Variants in IQSEC1 observed in about 807,000 individuals in gnomAD.
IQSEC1 encodes the protein IQ motif and Sec7 domain ArfGEF 1, also known as IQ motif and SEC7 domain-containing protein 1.
A neutral mutation model predicts 91.0 loss-of-function variants in IQSEC1; 31 were observed. That is an observed-to-expected ratio of 0.34 (90% CI 0.26 to 0.46). IQSEC1 has a LOEUF of 0.46. Among genes scored for constraint, IQSEC1 ranks in the 20% least tolerant of loss-of-function variants. The probability of loss-of-function intolerance (pLI) is 1.00; values close to 1 mark genes in which losing one functional copy is unlikely to be tolerated. For synonymous variants in IQSEC1, 699 were observed against 662.6 expected (o/e 1.05, Z -0.84); for missense variants, 1,388 against 1,575.6 (o/e 0.88, Z 2.02).
At chr3:13,050,855 A>G (rs1388275625) in intron 1 of IQSEC1, among the ~76,000 whole-genome samples, 1 of 152,274 alleles carries the variant, frequency 6.6e-6, no homozygotes, top group Non-Finnish European at 1.5e-5. Flanking sequence ...TATTACATAT[A>G]TTAATGTGTG....
intron 1 of IQSEC1, among the ~76,000 whole-genome samples, chr3:13,276,363 T>C (rs1049405763): frequency 1.3e-5 from 2 of 152,228 alleles, no homozygotes; most frequent in South Asian, 2.1e-4. Context: ...GCTGGGATTA[T>C]AGGTGTGAGC....
chr3:12,918,195 T>C (rs2596900), intron 6 of IQSEC1, among the ~76,000 whole-genome samples: 124,966 of 152,246 alleles, frequency 0.82, 52,241 homozygotes, highest in African/African-American at 0.96. Context: ...CCCTGAGCTC[T>C]GGGCTGAAAA....
intron 1 of IQSEC1, among the ~76,000 whole-genome samples, chr3:12,947,266 A>T (rs1250258228): frequency 6.6e-6 from 1 of 152,134 alleles, no homozygotes; most frequent in Non-Finnish European, 1.5e-5. Context: ...GCTGCTTAGG[A>T]GGTGGTGAGT....
At chr3:13,191,499 TTTTTTTTTTG>T (rs1393732832) in intron 1 of IQSEC1, among the ~76,000 whole-genome samples, 14 of 144,664 alleles carry the variant, frequency 9.7e-5, no homozygotes, top group African/African-American at 3.6e-4. Flanking sequence ...TTTTTTTTTT[TTTTTTTTTTG>T]TATTTTTAGT....
chr3:13,263,599 C>T (rs528307257), intron 1 of IQSEC1, among the ~76,000 whole-genome samples: 13 of 152,210 alleles, frequency 8.5e-5, no homozygotes, highest in South Asian at 4.1e-4. Flanking sequence ...CGCGCCACCA[C>T]GCCCGACTAA....
intron 1 of IQSEC1, among the ~76,000 whole-genome samples, chr3:12,964,574 G>C (rs1397909677): frequency 1.3e-5 from 2 of 152,184 alleles, no homozygotes; most frequent in African/African-American, 4.8e-5. Context: ...GTGGCCTTCA[G>C]ACATCCACAT....
chr3:12,954,812 G>A (rs906482637), intron 1 of IQSEC1, among the ~76,000 whole-genome samples: 2 of 152,184 alleles, frequency 1.3e-5, no homozygotes, highest in Non-Finnish European at 2.9e-5. Context: ...GCACAACCCT[G>A]GGAGTAGATG....
At chr3:13,106,657 A>G (rs2124847955) in intron 2 of IQSEC1, among the ~76,000 whole-genome samples, 1 of 152,310 alleles carries the variant, frequency 6.6e-6, no homozygotes, top group South Asian at 2.1e-4. Flanking sequence ...CATTGAGTGG[A>G]TGAATAATAA....
At chr3:12,923,271 C>T (rs1055093703) in intron 4 of IQSEC1, among the ~76,000 whole-genome samples, 1 of 152,018 alleles carries the variant, frequency 6.6e-6, no homozygotes, top group African/African-American at 2.4e-5. Flanking sequence ...GGACCAGGGA[C>T]CGGCTTGGAG....
intron 12 of IQSEC1, among the ~76,000 whole-genome samples, chr3:12,906,123 T>C (rs1386570397): frequency 3.9e-5 from 6 of 152,210 alleles, no homozygotes; most frequent in Non-Finnish European, 8.8e-5. Flanking sequence ...CCTGGCTTCA[T>C]GTCTGTGGTA....
intron 1 of IQSEC1, among the ~76,000 whole-genome samples, chr3:12,976,817 T>C (rs895305372): frequency 6.6e-6 from 1 of 152,186 alleles, no homozygotes; most frequent in Non-Finnish European, 1.5e-5. Flanking sequence ...CCAGATTCAC[T>C]CTAGTTCAGG....
chr3:13,115,843 G>A (rs1393332283), intron 2 of IQSEC1, among the ~76,000 whole-genome samples: 1 of 152,092 alleles, frequency 6.6e-6, no homozygotes, highest in Non-Finnish European at 1.5e-5. Flanking sequence ...CTCTCCTTTG[G>A]CCCTGAGCCC....
intron 1 of IQSEC1, among the ~76,000 whole-genome samples, chr3:13,055,352 G>C (rs1704836916): frequency 6.6e-6 from 1 of 152,226 alleles, no homozygotes; most frequent in South Asian, 2.1e-4. Context: ...AGTTGGTCTA[G>C]AGAAGTGGTT....
chr3:12,984,815 ATTTTTT>A lies in IQSEC1; in HGVS notation c.24-42956_24-42951del, dbSNP rs767194681. 7.8e-5 allele frequency among the ~76,000 whole-genome samples: 8 copies of A among 102,230 alleles called. No homozygotes were observed. In the East Asian group the frequency reaches 1.1e-3, roughly 14 times the overall value. 67.1% of individuals were successfully genotyped at this position (102,230 alleles called of 152,430 possible). A position where few individuals can be genotyped will look rare whatever the true frequency, so the allele number is the denominator to read the frequency against. ...CTATTAACACTTTTAAAGCAATTAC[ATTTTTT>A]TTTTTTTTTTTTTTTTTTTTTGAGA... is the stretch of plus-strand genomic sequence containing the variant. On this transcript the variant is annotated intron_variant, in intron 1 of 13. Coordinates refer to ENST00000613206, the MANE Select transcript of IQSEC1 (RefSeq NM_001134382.3).
chr3:13,202,228 T>C (rs1694257494), intron 1 of IQSEC1, among the ~76,000 whole-genome samples: 2 of 152,254 alleles, frequency 1.3e-5, no homozygotes, highest in African/African-American at 2.4e-5. Context: ...GTGCCACTGT[T>C]ATAAAACCAG....
chr3:13,206,298 T>C (rs78088697), intron 1 of IQSEC1, among the ~76,000 whole-genome samples: 26 of 151,988 alleles, frequency 1.7e-4, no homozygotes, highest in African/African-American at 6.3e-4. Flanking sequence ...TTGAAACACA[T>C]CCCCCTTGGA....
chr3:12,986,330 C>A (rs1455238875), intron 1 of IQSEC1, among the ~76,000 whole-genome samples: 1 of 152,210 alleles, frequency 6.6e-6, no homozygotes, highest in Admixed American at 6.5e-5. Context: ...GCGCCAGAGG[C>A]AATGTGCCTT....
intron 2 of IQSEC1, among the ~76,000 whole-genome samples, chr3:13,110,823 C>T (rs934545502): frequency 6.6e-6 from 1 of 152,186 alleles, no homozygotes; most frequent in African/African-American, 2.4e-5. Context: ...GAGATTTACA[C>T]TGGGTGAGTC....
chr3:13,254,075 G>A (rs575523092), intron 1 of IQSEC1, among the ~76,000 whole-genome samples: 13 of 152,220 alleles, frequency 8.5e-5, no homozygotes, highest in Non-Finnish European at 1.5e-4. Flanking sequence ...AGGGCACTTC[G>A]GGCCACAGTC....
Sources: allele counts gnomAD v4.1 joint callset (sites outside exome capture counted in the v4.1 genomes callset), GRCh38; gene constraint gnomAD v4.1.1; transcripts MANE v1.5; gene names NCBI Gene and HGNC (gene_info 2026-07-23, HGNC 2026-07-21).